The following WDR43 variants were observed in gnomAD, a reference collection of about 807,000 sequenced individuals.
The protein encoded by WDR43 is WD repeat domain 43, also known as WD repeat-containing protein 43.
In WDR43, 13 loss-of-function variants were observed where a neutral mutation model predicts 91.4. The observed-to-expected ratio is 0.14, with a 90% CI of 0.09 to 0.23. The LOEUF is 0.23. Among genes scored for constraint, WDR43 ranks in the 10% least tolerant of loss-of-function variants. WDR43 has a pLI of 1.00. For missense variants in WDR43, 780 were observed against 809.4 expected (o/e 0.96, Z 0.44); for synonymous variants, 331 against 287.9 (o/e 1.15, Z -1.51).
In WDR43 at chr2:28,946,941, G is replaced by A. The variant is rs1671554097; in HGVS notation, c.*162G>A. On this transcript the variant is annotated 3_prime_UTR_variant, in exon 18 of 18. Coordinates refer to ENST00000407426, the MANE Select transcript of WDR43 (RefSeq NM_015131.3). Reference sequence around the variant, plus strand: ...TGTCCTGAGCACCCCAGACTTGACTGTGTAAATAAGAGTGTTTCATTCAAA... The same window carrying A: ...TGTCCTGAGCACCCCAGACTTGACTATGTAAATAAGAGTGTTTCATTCAAA... 1 of 684,322 alleles carries A rather than the reference G, an allele frequency of 1.5e-6. No individual in the cohort carries two copies. The highest frequency in any genetic ancestry group is 2.4e-6 in the Non-Finnish European group (1 of 424,450). 42.4% of individuals were successfully genotyped at this position (684,322 alleles called of 1,614,324 possible).
intron 7 of WDR43, among the ~76,000 whole-genome samples, chr2:28,923,276 TTGA>T (rs746354298): frequency 6.6e-5 from 10 of 152,338 alleles, no homozygotes; most frequent in Admixed American, 2.0e-4. Flanking sequence ...CTTGTGAACC[TTGA>T]TGATGTTTTA....
intron 3 of WDR43, among the ~76,000 whole-genome samples, chr2:28,907,446 CAAAA>C (rs34966684): frequency 1.0e-4 from 2 of 19,246 alleles, no homozygotes; most frequent in South Asian, 3.8e-3. Flanking sequence ...CACCTCTTTA[CAAAA>C]AAAAAAAAAA....
chr2:28,900,982 T>G (rs1670569419), intron 1 of WDR43, among the ~76,000 whole-genome samples: 1 of 152,250 alleles, frequency 6.6e-6, no homozygotes, highest in Non-Finnish European at 1.5e-5. Context: ...TATGCACTGG[T>G]AACGTTGTGG....
intron 14 of WDR43, among the ~76,000 whole-genome samples, chr2:28,940,959 T>G (rs1439664644): frequency 1.3e-5 from 2 of 152,186 alleles, no homozygotes; most frequent in Non-Finnish European, 2.9e-5. Context: ...ACAGGAAGTA[T>G]ATTTAAAATG....
In WDR43 at chr2:28,917,876, C is replaced by T. The variant is rs1350575940; in HGVS notation, c.747-17C>T. On this transcript the variant is annotated splice_polypyrimidine_tract_variant and intron_variant, in intron 5 of 17. Coordinates refer to ENST00000407426, the MANE Select transcript of WDR43 (RefSeq NM_015131.3). ...TAAATCTGTCTTGCTATCTAACTTG[C>T]TGGTTTTGTTATCTAGGCAGGTCCG... is the stretch of plus-strand genomic sequence containing the variant. The T allele has an allele frequency of 6.4e-7, 1 of 1,559,470 alleles. No homozygotes were observed. Among genetic ancestry groups the T allele is most frequent in the African/African-American group, 1.4e-5 (1 of 73,608 alleles).
intron 3 of WDR43, among the ~76,000 whole-genome samples, chr2:28,906,932 T>C (rs1572582112): frequency 6.6e-6 from 1 of 151,424 alleles, no homozygotes; most frequent in African/African-American, 2.4e-5. Context: ...CTTTCAAGGG[T>C]GGAGAAAAGA....
intron 2 of WDR43, 122 bp from the exon 3 acceptor site, chr2:28,906,337 GT>G: frequency 1.1e-6 from 1 of 937,896 alleles, no homozygotes. Flanking sequence ...ATATCCACGT[GT>G]GGGCCAGGAG....
rs145234833 is a variant in WDR43 at position 28,915,324 on chromosome 2, C to A, written c.746+1116C>A. 3.2e-4 allele frequency among the ~76,000 whole-genome samples: 49 copies of A among 152,184 alleles called. No homozygotes were observed. The South Asian group carries it at 8.7e-3, about 27-fold the overall frequency. On this transcript the variant is annotated intron_variant, in intron 5 of 17. Transcript: ENST00000407426. Reference sequence around the variant, plus strand: ...TGAGAAGAGCCAATGGAGATAAATTCTTTTAGTTTTAGAGGGTCTAACAAT... The same window carrying A: ...TGAGAAGAGCCAATGGAGATAAATTATTTTAGTTTTAGAGGGTCTAACAAT...
At chr2:28,927,192 C>T (rs760932512) in intron 9 of WDR43, 21 of 514,940 alleles carry the variant, frequency 4.1e-5, no homozygotes, top group African/African-American at 4.1e-4. Flanking sequence ...TGTGTAACTT[C>T]ACTTTTTAAA....
chr2:28,933,485 G>C (rs145340841), intron 11 of WDR43, among the ~76,000 whole-genome samples: 4 of 152,272 alleles, frequency 2.6e-5, no homozygotes, highest in South Asian at 2.1e-4. Flanking sequence ...AGATTTCTTA[G>C]ATATAGCATA....
chr2:28,944,078 C>A (rs79926233), intron 16 of WDR43, among the ~76,000 whole-genome samples: 1 of 152,130 alleles, frequency 6.6e-6, no homozygotes, highest in African/African-American at 2.4e-5. Context: ...TGATGTCCTC[C>A]GCTTTTCAAT....
At chr2:28,911,695 G>A (rs919247487) in intron 3 of WDR43, among the ~76,000 whole-genome samples, 1 of 143,672 alleles carries the variant, frequency 7.0e-6, no homozygotes, top group Non-Finnish European at 1.5e-5. Flanking sequence ...GCAGTGGTGC[G>A]ATCTTGGCTC....
intron 6 of WDR43, 91 bp downstream of exon 6, chr2:28,918,086 TAG>T (rs1425740750): frequency 1.8e-6 from 2 of 1,134,412 alleles, no homozygotes; most frequent in African/African-American, 1.6e-5. Flanking sequence ...ACTTGAGAAA[TAG>T]AGAGGACCTG....
At chr2:28,903,321 A>G (rs1021976126) in intron 2 of WDR43, among the ~76,000 whole-genome samples, 9 of 152,202 alleles carry the variant, frequency 5.9e-5, no homozygotes, top group Admixed American at 5.9e-4. Flanking sequence ...ACCTAAAATT[A>G]GTGAGCCAAA....
At chr2:28,940,935 C>T (rs79724271) in intron 14 of WDR43, among the ~76,000 whole-genome samples, 4,646 of 152,224 alleles carry the variant, frequency 0.031, 87 homozygotes, top group Non-Finnish European at 0.048. Context: ...AAATATGTTT[C>T]AGAGGACTCA....
At chr2:28,923,531 G>A (rs956841171) in intron 7 of WDR43, among the ~76,000 whole-genome samples, 4 of 152,182 alleles carry the variant, frequency 2.6e-5, no homozygotes, top group Admixed American at 6.5e-5. Flanking sequence ...TCAGTTTTGC[G>A]CACAAATTTT....
chr2:28,947,649 T>C lies in WDR43; in HGVS notation c.*870T>C, dbSNP rs760702152. On this transcript the variant is annotated 3_prime_UTR_variant, in exon 18 of 18. Coordinates refer to ENST00000407426, the MANE Select transcript of WDR43 (RefSeq NM_015131.3). ...ACAATTGTTTATTTTTTCTCTTTGG[T>C]TTTAGATATTAATGATAACCTTGTT... 9 of 151,988 alleles carry C rather than the reference T, an allele frequency of 5.9e-5. No individual in the cohort carries two copies. The highest frequency in any genetic ancestry group is 1.2e-4 in the Non-Finnish European group (8 of 67,990). The allele number at this position is 151,988 out of a possible 1,614,324, so 9.4% of individuals were successfully genotyped here. A position where few individuals can be genotyped will look rare whatever the true frequency, so the allele number is the denominator to read the frequency against.
At chr2:28,939,265 A>C (rs1367825588) in intron 14 of WDR43, among the ~76,000 whole-genome samples, 1 of 152,004 alleles carries the variant, frequency 6.6e-6, no homozygotes, top group East Asian at 1.9e-4. Context: ...AATTGCATGA[A>C]CGATCCCAGC....
intron 11 of WDR43, among the ~76,000 whole-genome samples, chr2:28,932,936 C>T (rs1375890210): frequency 1.3e-5 from 2 of 152,116 alleles, no homozygotes; most frequent in Non-Finnish European, 2.9e-5. Context: ...ATATCTAAAA[C>T]AGGTAACTGT....
Sources: gnomAD v4.1 joint callset for allele counts (sites outside exome capture counted in the v4.1 genomes callset) on GRCh38, gnomAD v4.1.1 for gene constraint, MANE v1.5 for transcripts, NCBI Gene and HGNC (gene_info 2026-07-23, HGNC 2026-07-21) for gene names.